The following SDK1 variants were observed in gnomAD, a reference collection of about 807,000 sequenced individuals.
SDK1 encodes the protein protein sidekick-1.
In SDK1, 157 loss-of-function variants were observed where a neutral mutation model predicts 245.5. The ratio of observed to expected loss-of-function variants is 0.64; its 90% confidence interval spans 0.56 to 0.73. SDK1 has a LOEUF of 0.73. Among genes scored for constraint, SDK1 ranks in the 30% least tolerant of loss-of-function variants. The pLI is 0.00. For synonymous variants in SDK1, 1,647 were observed against 1,278.5 expected (o/e 1.29, Z -6.15); for missense variants, 3,583 against 3,002.3 (o/e 1.19, Z -4.52).
At chr7:3,420,250 C>G (rs1471918503) in intron 1 of SDK1, among the ~76,000 whole-genome samples, 2 of 152,154 alleles carry the variant, frequency 1.3e-5, no homozygotes, top group Non-Finnish European at 2.9e-5. Context: ...TTATTTTTGG[C>G]TTGGTGAATT....
At chr7:3,806,396 T>TTAGGATGTGGA (rs1199152101) in intron 4 of SDK1, among the ~76,000 whole-genome samples, 15 of 141,914 alleles carry the variant, frequency 1.1e-4, no homozygotes, top group South Asian at 2.2e-4. Flanking sequence ...GTGGATGTCC[T>TTAGGATGTGGA]TGGGGGCCCT....
intron 4 of SDK1, among the ~76,000 whole-genome samples, chr7:3,783,208 G>A (rs1213482325): frequency 6.6e-6 from 1 of 152,166 alleles, no homozygotes; most frequent in African/African-American, 2.4e-5. Flanking sequence ...TGTAGAAGGA[G>A]TGGACTTCAA....
At chr7:3,697,100 G>A (rs1229490296) in intron 4 of SDK1, among the ~76,000 whole-genome samples, 4 of 152,050 alleles carry the variant, frequency 2.6e-5, no homozygotes, top group Non-Finnish European at 5.9e-5. Context: ...TCCTTCTCTC[G>A]CCATTTGACT....
chr7:4,259,017 C>T (rs541290395), intron 44 of SDK1, among the ~76,000 whole-genome samples: 1 of 152,292 alleles, frequency 6.6e-6, no homozygotes, highest in African/African-American at 2.4e-5. Context: ...AAACCCAATT[C>T]AGGGGCTAAT....
chr7:3,806,825 T>C (rs1779261736), intron 4 of SDK1, among the ~76,000 whole-genome samples: 1 of 152,132 alleles, frequency 6.6e-6, no homozygotes, highest in East Asian at 1.9e-4. Flanking sequence ...GCTGCCCCTT[T>C]TTCTATTTTT....
intron 4 of SDK1, among the ~76,000 whole-genome samples, chr7:3,703,687 T>C (rs920511900): frequency 6.6e-6 from 1 of 152,226 alleles, no homozygotes; most frequent in Non-Finnish European, 1.5e-5. Context: ...ATTTTCTCTG[T>C]TCTATTTTTC....
intron 44 of SDK1, among the ~76,000 whole-genome samples, chr7:4,247,903 C>A (rs1193694070): frequency 1.3e-5 from 2 of 152,124 alleles, no homozygotes; most frequent in Admixed American, 1.3e-4. Flanking sequence ...TCTCCTCCAG[C>A]CCCACACCAG....
chr7:3,498,515 G>A (rs372939922), intron 1 of SDK1, among the ~76,000 whole-genome samples: 1 of 152,110 alleles, frequency 6.6e-6, no homozygotes, highest in Non-Finnish European at 1.5e-5. Flanking sequence ...CTAGTATATT[G>A]TGGGTAATAA....
At chr7:4,146,815 G>A (rs1430907402) in intron 29 of SDK1, among the ~76,000 whole-genome samples, 8 of 152,218 alleles carry the variant, frequency 5.3e-5, no homozygotes, top group South Asian at 4.1e-4. Context: ...TGCAGCCCAC[G>A]GAGCAGCATG....
At chr7:3,730,956 C>A (rs1409840849) in intron 4 of SDK1, among the ~76,000 whole-genome samples, 4 of 152,184 alleles carry the variant, frequency 2.6e-5, no homozygotes, top group African/African-American at 9.6e-5. Context: ...GGACAGCTTT[C>A]ATTTTGAAAA....
intron 35 of SDK1, among the ~76,000 whole-genome samples, chr7:4,181,644 C>T (rs924970287): frequency 1.3e-5 from 2 of 152,182 alleles, no homozygotes; most frequent in East Asian, 3.9e-4. Context: ...ACACCCTCCA[C>T]GTGACTCACC....
intron 1 of SDK1, among the ~76,000 whole-genome samples, chr7:3,384,437 T>C (rs576581493): frequency 1.3e-5 from 2 of 152,356 alleles, no homozygotes; most frequent in South Asian, 4.1e-4. Context: ...TGGGAAAGAC[T>C]GCGTCCTATA....
At position 3,804,687 on chromosome 7, in the gene SDK1, C is replaced by T. The variant is rs551126928; in HGVS notation, c.714-16763C>T. ...CTTTACTTTGTTGTGTTTTCCAATCCATGAACTCTTTATCACTCTCCATTT... is the reference window on the plus strand; with the variant it reads ...CTTTACTTTGTTGTGTTTTCCAATCTATGAACTCTTTATCACTCTCCATTT... On this transcript the variant is annotated intron_variant, in intron 4 of 44. Coordinates refer to ENST00000404826, the MANE Select transcript of SDK1 (RefSeq NM_152744.4). 2.6e-5 allele frequency among the ~76,000 whole-genome samples: 4 copies of T among 152,266 alleles called. No homozygotes were observed. In the South Asian group the frequency reaches 6.2e-4, roughly 24 times the overall value.
At chr7:3,432,984 T>C (rs1779910920) in intron 1 of SDK1, among the ~76,000 whole-genome samples, 1 of 152,200 alleles carries the variant, frequency 6.6e-6, no homozygotes. Context: ...AATCTTTGAA[T>C]TCTTTTATAT....
chr7:4,231,675 T>C (rs1231577310), intron 40 of SDK1, among the ~76,000 whole-genome samples: 3 of 152,138 alleles, frequency 2.0e-5, no homozygotes, highest in African/African-American at 7.2e-5. Flanking sequence ...TTTCTGCCGG[T>C]GGAGAGATTT....
chr7:4,080,834 G>T (rs1781009542), intron 22 of SDK1, among the ~76,000 whole-genome samples: 1 of 151,702 alleles, frequency 6.6e-6, no homozygotes, highest in Non-Finnish European at 1.5e-5. Context: ...TTGTGCACAC[G>T]TACCCTAAAA....
intron 4 of SDK1, among the ~76,000 whole-genome samples, chr7:3,665,101 G>A (rs1026852430): frequency 6.6e-5 from 10 of 152,114 alleles, no homozygotes; most frequent in African/African-American, 2.4e-4. Context: ...CTCTCTGGCT[G>A]TTGTTTTTCT....
chr7:4,261,918 A>G (rs1297528319), intron 44 of SDK1, among the ~76,000 whole-genome samples: 1 of 150,024 alleles, frequency 6.7e-6, no homozygotes, highest in Non-Finnish European at 1.5e-5. Context: ...GGGTCCCAGG[A>G]TGCTTCCATG....
chr7:3,509,796 C>G (rs1003116542), intron 1 of SDK1, among the ~76,000 whole-genome samples: 1 of 152,126 alleles, frequency 6.6e-6, no homozygotes, highest in African/African-American at 2.4e-5. Flanking sequence ...ACAGAGAGAG[C>G]CCCCCAGGAC....
Sources: allele counts gnomAD v4.1 joint callset (sites outside exome capture counted in the v4.1 genomes callset), GRCh38; gene constraint gnomAD v4.1.1; transcripts MANE v1.5; gene names NCBI Gene and HGNC (gene_info 2026-07-23, HGNC 2026-07-21).